PALLD: variants seen among roughly 807,000 people sequenced by gnomAD.
PALLD encodes palladin, cytoskeletal associated protein.
A neutral mutation model predicts 123.5 loss-of-function variants in PALLD; 61 were observed. The ratio of observed to expected loss-of-function variants is 0.49; its 90% confidence interval spans 0.40 to 0.61. The LOEUF (loss-of-function observed/expected upper bound fraction) is 0.61. PALLD is among the 20% of genes least tolerant of loss of function. The probability of loss-of-function intolerance (pLI) is 0.00; values close to 1 mark genes in which losing one functional copy is unlikely to be tolerated. For missense variants in PALLD, 1,273 were observed against 1,377.0 expected, an observed-to-expected ratio of 0.92 and a Z score of 1.20; for synonymous variants, 465 against 496.4, an observed-to-expected ratio of 0.94 and a Z score of 0.84.
chr4:168,759,202 A>T (rs868094191), intron 10 of PALLD, among the ~76,000 whole-genome samples: 803 of 20,220 alleles, frequency 0.04, 28 homozygotes, highest in Non-Finnish European at 0.068. Context: ...AAAAAAAAAA[A>T]ATATATATAT....
rs147549962 is a variant in PALLD at position 168,568,317 on chromosome 4, A to C, written c.908+55905A>C. On this transcript the variant is annotated intron_variant, in intron 2 of 21. Transcript: ENST00000505667. ...AAGCATCCTACTTGTTAAGCAATTTATTCCATTTTTCTCATGGTATTGGGT... is the reference window on the plus strand; with the variant it reads ...AAGCATCCTACTTGTTAAGCAATTTCTTCCATTTTTCTCATGGTATTGGGT... Among the ~76,000 whole-genome samples the C allele has an allele frequency of 2.0e-3, 304 of 152,192 alleles. 2 individuals carry two copies. The highest frequency in any genetic ancestry group is 7.1e-3 in the African/African-American group (295 of 41,558).
chr4:168,717,396 G>C (rs1415705409), intron 10 of PALLD, among the ~76,000 whole-genome samples: 1 of 151,936 alleles, frequency 6.6e-6, no homozygotes, highest in Non-Finnish European at 1.5e-5. Flanking sequence ...AGGCTGGAGA[G>C]CAATGGAGCA....
chr4:168,532,473 C>T (rs994142363), intron 2 of PALLD, among the ~76,000 whole-genome samples: 1 of 152,100 alleles, frequency 6.6e-6, no homozygotes, highest in Non-Finnish European at 1.5e-5. Flanking sequence ...CAAGAAGAAG[C>T]TGAGTTATCT....
chr4:168,666,315 A>G (rs893735246), intron 2 of PALLD, among the ~76,000 whole-genome samples: 3 of 152,216 alleles, frequency 2.0e-5, no homozygotes, highest in African/African-American at 7.2e-5. Flanking sequence ...GAAACACTCT[A>G]ATTCACAGAC....
intron 10 of PALLD, among the ~76,000 whole-genome samples, chr4:168,797,988 AC>A (rs1738765153): frequency 6.6e-6 from 1 of 152,180 alleles, no homozygotes; most frequent in Non-Finnish European, 1.5e-5. Context: ...TCAGAACCAG[AC>A]ACTTTTGTTA....
chr4:168,843,328 G>A (rs1229080174), intron 10 of PALLD, among the ~76,000 whole-genome samples: 3 of 150,930 alleles, frequency 2.0e-5, no homozygotes, highest in Non-Finnish European at 4.4e-5. Flanking sequence ...CCTGGTCAGC[G>A]CTTATCTTCC....
chr4:168,576,687 A>G (rs1190041890), intron 2 of PALLD, among the ~76,000 whole-genome samples: 2 of 152,178 alleles, frequency 1.3e-5, no homozygotes, highest in Non-Finnish European at 2.9e-5. Flanking sequence ...ATAGTGCCGC[A>G]ATAAACATAC....
intron 10 of PALLD, among the ~76,000 whole-genome samples, chr4:168,846,000 A>G (rs1746788479): frequency 6.6e-6 from 1 of 152,198 alleles, no homozygotes; most frequent in Non-Finnish European, 1.5e-5. Context: ...TCCTCTTGCA[A>G]TAATCTGAGA....
intron 10 of PALLD, among the ~76,000 whole-genome samples, chr4:168,808,827 C>T (rs754925357): frequency 6.6e-6 from 1 of 152,060 alleles, no homozygotes; most frequent in Non-Finnish European, 1.5e-5. Context: ...GGAAACTGCC[C>T]CCATGATTCA....
chr4:168,911,388 G>A (rs116346655), intron 15 of PALLD, among the ~76,000 whole-genome samples: 1,528 of 152,238 alleles, frequency 0.01, 16 homozygotes, highest in Non-Finnish European at 0.017. Flanking sequence ...CATATCACAA[G>A]GAAGGATATA....
At chr4:168,687,075 A>G (rs1031647389) in intron 6 of PALLD, among the ~76,000 whole-genome samples, 4 of 152,204 alleles carry the variant, frequency 2.6e-5, no homozygotes, top group African/African-American at 9.7e-5. Context: ...ACGACAAACA[A>G]TTCCTAGTAA....
At chr4:168,871,213 G>A (rs1237088308) in intron 10 of PALLD, among the ~76,000 whole-genome samples, 1 of 152,144 alleles carries the variant, frequency 6.6e-6, no homozygotes, top group Non-Finnish European at 1.5e-5. Flanking sequence ...CTGACACAAG[G>A]GATGGCACCA....
Position 168,890,808 on chromosome 4 carries a change from A to G in PALLD, c.1965-114A>G, listed in dbSNP as rs189510294. The stretch of plus-strand genomic sequence containing the variant: ...ATAGTTGCAACAGATGTAGCATAAA[A>G]AATAGTGGGAGTGACATGCTGATAC... On this transcript the variant is annotated intron_variant, in intron 10 of 21. Transcript: ENST00000505667. 2,237 of 1,066,116 alleles carry G rather than the reference A, an allele frequency of 2.1e-3. 9 individuals are homozygous for G. Among genetic ancestry groups the G allele is most frequent in the Non-Finnish European group, 2.6e-3 (1,767 of 689,014 alleles). 66.0% of individuals were successfully genotyped at this position (1,066,116 alleles called of 1,614,324 possible). A position where few individuals can be genotyped will look rare whatever the true frequency, so the allele number is the denominator to read the frequency against.
chr4:168,512,399 ACTC>A lies in PALLD; in HGVS notation c.899_901del (p.Pro300del), dbSNP rs781164676. The stretch of plus-strand genomic sequence containing the variant: ...GGAGTGTAGAGTCACTGGAAACCCC[ACTC>A]CTCGAGTCAGGTATGAATTTTTGTA... On this transcript the variant is annotated inframe_deletion, in exon 2 of 22. Transcript: ENST00000505667. 6.2e-7 allele frequency: 1 copy of A among 1,613,126 alleles called. No individual in the cohort carries two copies. Among genetic ancestry groups the A allele is most frequent in the South Asian group, 1.1e-5 (1 of 91,068 alleles).
chr4:168,905,016 A>C (rs1260722821), intron 15 of PALLD, among the ~76,000 whole-genome samples: 1 of 151,808 alleles, frequency 6.6e-6, no homozygotes, highest in Non-Finnish European at 1.5e-5. Flanking sequence ...AATCCCAGCT[A>C]CTCAGGAGGT....
At chr4:168,861,350 G>A (rs990256751) in intron 10 of PALLD, among the ~76,000 whole-genome samples, 2 of 152,016 alleles carry the variant, frequency 1.3e-5, no homozygotes, top group African/African-American at 2.4e-5. Context: ...TATTATGTAT[G>A]GGCTGGCTTA....
At chr4:168,777,549 A>G (rs1165309503) in intron 10 of PALLD, among the ~76,000 whole-genome samples, 2 of 152,264 alleles carry the variant, frequency 1.3e-5, no homozygotes, top group African/African-American at 4.8e-5. Context: ...ACATAGACTC[A>G]GAATATCAGT....
In PALLD at chr4:168,892,276, A is replaced by G. The variant is rs186516807; in HGVS notation, c.2100+1219A>G. Reference sequence around the variant, plus strand: ...AGCTTTATTAAGGAATTGTCACTGGAAAAATTTGCCTGGCTCTTAAGTACA... The same window carrying G: ...AGCTTTATTAAGGAATTGTCACTGGGAAAATTTGCCTGGCTCTTAAGTACA... On this transcript the variant is annotated intron_variant, in intron 11 of 21. Transcript: ENST00000505667. 1.6e-3 allele frequency among the ~76,000 whole-genome samples: 237 copies of G among 152,314 alleles called. 2 individuals are homozygous for G. The highest frequency in any genetic ancestry group is 2.8e-3 in the Non-Finnish European group (192 of 68,022).
intron 3 of PALLD, among the ~76,000 whole-genome samples, 198 bp downstream of exon 3, chr4:168,668,566 T>C (rs554019575): frequency 6.6e-6 from 1 of 152,354 alleles, no homozygotes; most frequent in Admixed American, 6.5e-5. Flanking sequence ...GATGTCAACA[T>C]TTGTTCCTTT....
Sources: gnomAD v4.1 joint callset for allele counts (sites outside exome capture counted in the v4.1 genomes callset) on GRCh38, gnomAD v4.1.1 for gene constraint, MANE v1.5 for transcripts, NCBI Gene and HGNC (gene_info 2026-07-23, HGNC 2026-07-21) for gene names.